Variants in TRERF1 observed in about 807,000 individuals in gnomAD.
TRERF1 encodes transcriptional regulating factor 1.
A neutral mutation model predicts 122.9 loss-of-function variants in TRERF1; 27 were observed. The observed-to-expected ratio is 0.22, with a 90% CI of 0.16 to 0.30. The LOEUF (loss-of-function observed/expected upper bound fraction) is 0.30. Ranked by LOEUF, TRERF1 falls within the 10% of genes least tolerant of loss-of-function variation. TRERF1 has a pLI of 1.00. For synonymous variants in TRERF1, 636 were observed against 641.7 expected, an observed-to-expected ratio of 0.99 and a Z score of 0.13; for missense variants, 1,248 against 1,560.3, an observed-to-expected ratio of 0.80 and a Z score of 3.37.
chr6:42,236,659 T>C (rs1002891964), intron 15 of TRERF1, among the ~76,000 whole-genome samples: 1 of 152,200 alleles, frequency 6.6e-6, no homozygotes, highest in African/African-American at 2.4e-5. Context: ...TCATCACTTA[T>C]ATAAAGATAT....
intron 3 of TRERF1, among the ~76,000 whole-genome samples, chr6:42,358,544 C>G (rs1771045401): frequency 6.6e-6 from 1 of 152,218 alleles, no homozygotes; most frequent in Admixed American, 6.5e-5. Flanking sequence ...TGCCCACCCT[C>G]CCTTGGTGGA....
At chr6:42,350,962 TTCTC>T (rs1293263488) in intron 3 of TRERF1, among the ~76,000 whole-genome samples, 1 of 151,152 alleles carries the variant, frequency 6.6e-6, no homozygotes, top group Non-Finnish European at 1.5e-5. Context: ...AAAGAGGCAA[TTCTC>T]TCTCTCTCAC....
chr6:42,357,264 G>C (rs1770743943), intron 3 of TRERF1, among the ~76,000 whole-genome samples: 2 of 149,906 alleles, frequency 1.3e-5, no homozygotes, highest in African/African-American at 5.0e-5. Flanking sequence ...AGGAGGCAGA[G>C]GTTGGAGTGA....
At chr6:42,419,733 GT>G (rs1277796036) in intron 2 of TRERF1, among the ~76,000 whole-genome samples, 1 of 152,196 alleles carries the variant, frequency 6.6e-6, no homozygotes, top group East Asian at 1.9e-4. Flanking sequence ...CAACTCCATG[GT>G]GGGGATTAGG....
chr6:42,347,752 CAAAT>C (rs1269950718), intron 3 of TRERF1, among the ~76,000 whole-genome samples: 1 of 152,200 alleles, frequency 6.6e-6, no homozygotes, highest in Non-Finnish European at 1.5e-5. Flanking sequence ...AAAACCCCCA[CAAAT>C]AAAGCAATTC....
chr6:42,389,095 G>A (rs1225633884), intron 2 of TRERF1, among the ~76,000 whole-genome samples: 1 of 152,184 alleles, frequency 6.6e-6, no homozygotes, highest in African/African-American at 2.4e-5. Context: ...GAATTGGAGA[G>A]AGGGGGTACT....
rs773914340 is a variant in TRERF1, at chr6:42,258,245, T to A, written c.2270-44A>T. On this transcript the variant is annotated intron_variant, in intron 9 of 17. Coordinates refer to ENST00000372922, the Ensembl canonical transcript of TRERF1. ...AGGTCACTAGTCAACAGGGAAGGAATGTTGAAAAAGACTAAAGCAAATGAG... is the reference window on the plus strand; with the variant it reads ...AGGTCACTAGTCAACAGGGAAGGAAAGTTGAAAAAGACTAAAGCAAATGAG... 10 of 1,591,816 alleles carry A rather than the reference T, an allele frequency of 6.3e-6. No individual in the cohort carries two copies. In the East Asian group the frequency reaches 1.8e-4, roughly 28 times the overall value.
intron 2 of TRERF1, among the ~76,000 whole-genome samples, chr6:42,376,167 T>A (rs1053036334): frequency 6.6e-6 from 1 of 152,150 alleles, no homozygotes; most frequent in Non-Finnish European, 1.5e-5. Context: ...CACTGAGCAC[T>A]CCCACCCCAA....
intron 2 of TRERF1, among the ~76,000 whole-genome samples, chr6:42,375,727 G>A (rs186918053): frequency 1.4e-4 from 22 of 152,132 alleles, no homozygotes; most frequent in South Asian, 4.2e-4. Context: ...TGAAGACTGC[G>A]GCTGTGATTA....
intron 3 of TRERF1, among the ~76,000 whole-genome samples, chr6:42,307,259 A>C (rs1195882666): frequency 6.6e-6 from 1 of 152,144 alleles, no homozygotes; most frequent in Non-Finnish European, 1.5e-5. Flanking sequence ...TTAAAGAGGA[A>C]TACTATTCCT....
At chr6:42,271,247 C>T (rs371601751) in intron 4 of TRERF1, among the ~76,000 whole-genome samples, 40 of 150,436 alleles carry the variant, frequency 2.7e-4, no homozygotes, top group Admixed American at 1.1e-3. Context: ...CTTTCTAGAA[C>T]TCATGGATGG....
chr6:42,417,895 C>A (rs1782076540), intron 2 of TRERF1, among the ~76,000 whole-genome samples: 2 of 152,208 alleles, frequency 1.3e-5, no homozygotes, highest in Admixed American at 1.3e-4. Flanking sequence ...AAACCACAAC[C>A]CTGCGCTGAT....
intron 2 of TRERF1, among the ~76,000 whole-genome samples, chr6:42,399,206 T>C (rs140853676): frequency 2.0e-3 from 302 of 152,342 alleles, no homozygotes; most frequent in African/African-American, 6.9e-3. Flanking sequence ...GTACAGAATT[T>C]TTTTTAAATA....
chr6:42,301,162 C>T (rs1326396819), intron 3 of TRERF1, among the ~76,000 whole-genome samples: 4 of 152,210 alleles, frequency 2.6e-5, no homozygotes, highest in Admixed American at 2.0e-4. Context: ...CAGCAGCTTA[C>T]AGGTGCCTTG....
At chr6:42,233,778 T>C (rs767575550) in intron 16 of TRERF1, among the ~76,000 whole-genome samples, 3 of 152,182 alleles carry the variant, frequency 2.0e-5, no homozygotes, top group African/African-American at 4.8e-5. Flanking sequence ...CTCAGCTCTA[T>C]CTACCCCGAG....
intron 2 of TRERF1, among the ~76,000 whole-genome samples, chr6:42,387,866 G>A (rs181654208): frequency 2.7e-3 from 415 of 151,130 alleles, no homozygotes; most frequent in African/African-American, 9.3e-3. Flanking sequence ...AGAGTGCAGT[G>A]GCACAATCTC....
intron 2 of TRERF1, among the ~76,000 whole-genome samples, chr6:42,427,389 C>G (rs1321418253): frequency 5.9e-5 from 9 of 152,030 alleles, no homozygotes; most frequent in Admixed American, 5.9e-4. Flanking sequence ...TCCCAAGTAG[C>G]TAGGACTATA....
chr6:42,253,875 G>A (rs1259072364), intron 13 of TRERF1, among the ~76,000 whole-genome samples: 2 of 152,224 alleles, frequency 1.3e-5, no homozygotes, highest in African/African-American at 4.8e-5. Context: ...CCACATATTT[G>A]GCACCTGCCT....
chr6:42,352,431 A>C (rs1009023420), intron 3 of TRERF1, among the ~76,000 whole-genome samples: 7 of 152,256 alleles, frequency 4.6e-5, no homozygotes, highest in Non-Finnish European at 7.3e-5. Context: ...TATTTTTAAA[A>C]TGTATTTGAT....
Sources: gnomAD v4.1 joint callset for allele counts (sites outside exome capture counted in the v4.1 genomes callset) on GRCh38, gnomAD v4.1.1 for gene constraint, MANE v1.5 for transcripts, NCBI Gene and HGNC (gene_info 2026-07-23, HGNC 2026-07-21) for gene names.